The following DSCAM variants were observed in gnomAD, a reference collection of about 807,000 sequenced individuals.
The protein encoded by DSCAM is cell adhesion molecule DSCAM.
A neutral mutation model predicts 217.7 loss-of-function variants in DSCAM; 47 were observed. That is an observed-to-expected ratio of 0.22 (90% CI 0.17 to 0.28). The LOEUF is 0.28. DSCAM is among the 10% of genes least tolerant of loss of function. The probability of loss-of-function intolerance (pLI) is 1.00; values close to 1 mark genes in which losing one functional copy is unlikely to be tolerated. For synonymous variants in DSCAM, 1,056 were observed against 1,015.3 expected (o/e 1.04, Z -0.76); for missense variants, 2,080 against 2,618.3 (o/e 0.79, Z 4.49).
chr21:40,349,807 T>G (rs2074609132), intron 5 of DSCAM, among the ~76,000 whole-genome samples: 1 of 152,108 alleles, frequency 6.6e-6, no homozygotes, highest in South Asian at 2.1e-4. Flanking sequence ...CTGATGAAAA[T>G]CCTGTCTAGT....
intron 3 of DSCAM, among the ~76,000 whole-genome samples, chr21:40,510,210 G>A (rs774989512): frequency 9.9e-5 from 15 of 151,944 alleles, no homozygotes; most frequent in Non-Finnish European, 1.8e-4. Flanking sequence ...AATGAGTATA[G>A]CCAGGTCCAA....
intron 11 of DSCAM, among the ~76,000 whole-genome samples, chr21:40,192,336 T>C (rs1036204124): frequency 1.3e-5 from 2 of 152,138 alleles, no homozygotes. Context: ...AGAGGCCTGG[T>C]GGGAGATAAT....
chr21:40,257,797 C>T (rs958298573), intron 11 of DSCAM, among the ~76,000 whole-genome samples: 1 of 152,092 alleles, frequency 6.6e-6, no homozygotes, highest in South Asian at 2.1e-4. Context: ...GGCTTCAATA[C>T]ATGGCCAAGG....
At chr21:40,529,939 T>C (rs929170366) in intron 3 of DSCAM, among the ~76,000 whole-genome samples, 4 of 152,180 alleles carry the variant, frequency 2.6e-5, no homozygotes, top group African/African-American at 7.2e-5. Context: ...TTATTTCCCA[T>C]TGACCCCAGC....
At chr21:40,835,383 C>A (rs1171004262) in intron 1 of DSCAM, among the ~76,000 whole-genome samples, 1 of 152,156 alleles carries the variant, frequency 6.6e-6, no homozygotes, top group Non-Finnish European at 1.5e-5. Context: ...TTCTGCAATT[C>A]CCCTGTCAGA....
In DSCAM at chr21:40,266,649, AT is replaced by A. The variant is rs1569031924; in HGVS notation, c.2356+9447del. Reference sequence around the variant, plus strand: ...ACAAAGATGTTTTATATATATATATATATATATATATATATATATATAATCT... The same window carrying A: ...ACAAAGATGTTTTATATATATATATAATATATATATATATATATATAATCT... On this transcript the variant is annotated intron_variant, in intron 11 of 32. Coordinates refer to ENST00000400454, the MANE Select transcript of DSCAM (RefSeq NM_001389.5). Among the ~76,000 whole-genome samples, 41 of 122,780 alleles carry A rather than the reference AT, an allele frequency of 3.3e-4. 3 individuals are homozygous for A. The South Asian group carries it at 6.7e-3, about 20-fold the overall frequency. 80.5% of individuals were successfully genotyped at this position (122,780 alleles called of 152,430 possible).
At chr21:40,046,485 AATG>A (rs2088842718) in intron 30 of DSCAM, among the ~76,000 whole-genome samples, 1 of 151,642 alleles carries the variant, frequency 6.6e-6, no homozygotes, top group South Asian at 2.1e-4. Context: ...ACCAGGTATG[AATG>A]ATAATTGGGT....
chr21:40,404,447 G>A (rs2075263985), intron 3 of DSCAM, among the ~76,000 whole-genome samples: 3 of 152,168 alleles, frequency 2.0e-5, no homozygotes, highest in Admixed American at 2.0e-4. Flanking sequence ...CCTCTTGAGG[G>A]CAGAAGAGCA....
chr21:40,484,787 A>C (rs2076011144), intron 3 of DSCAM, among the ~76,000 whole-genome samples: 4 of 152,158 alleles, frequency 2.6e-5, no homozygotes, highest in African/African-American at 9.7e-5. Flanking sequence ...ATACAGGGAG[A>C]TGTAGGATGA....
intron 3 of DSCAM, among the ~76,000 whole-genome samples, chr21:40,378,091 G>A (rs937147346): frequency 1.1e-4 from 16 of 152,102 alleles, no homozygotes; most frequent in Admixed American, 5.9e-4. Context: ...AACACTCCAC[G>A]TCATTACCAA....
Position 40,055,740 on chromosome 21 carries a change from T to C in DSCAM, c.5020A>G (p.Thr1674Ala), listed in dbSNP as rs777436692. Residue 1674 changes from threonine (T) to alanine (A), a missense_variant, in exon 29 of 33, where the codon ACG becomes GCG. Physicochemically the swap from Thr to Ala is moderately conservative, Grantham distance 58. Coordinates refer to ENST00000400454, the MANE Select transcript of DSCAM (RefSeq NM_001389.5). ...RAQLLIEERD[T>A]METIDDRSTV... The stretch of plus-strand genomic sequence containing the variant: ...GGCAGCTTACCAATGGTCTCCATCG[T>C]GTCTCTCTCTTCAATCAAAAGCTGA... 3 of 1,613,044 alleles carry C rather than the reference T, an allele frequency of 1.9e-6. No homozygotes were observed. The highest frequency in any genetic ancestry group is 2.2e-5 in the South Asian group (2 of 91,030).
intron 28 of DSCAM, among the ~76,000 whole-genome samples, chr21:40,058,812 C>G (rs17755228): frequency 0.2 from 30,972 of 152,164 alleles, 3,370 homozygotes; most frequent in Non-Finnish European, 0.25. Flanking sequence ...GTGATTTGAA[C>G]AAACCTCATT....
At chr21:40,844,783 C>A (rs745717296) in intron 1 of DSCAM, among the ~76,000 whole-genome samples, 15 of 151,488 alleles carry the variant, frequency 9.9e-5, no homozygotes, top group Non-Finnish European at 2.2e-4. Context: ...ATCATAAATT[C>A]TTCCATACCA....
intron 19 of DSCAM, among the ~76,000 whole-genome samples, chr21:40,124,869 G>A (rs1456681344): frequency 6.6e-6 from 1 of 152,132 alleles, no homozygotes; most frequent in Non-Finnish European, 1.5e-5. Flanking sequence ...AGTCCCTCTT[G>A]TCCTGGGGAG....
At chr21:40,351,741 A>G (rs1227296845) in intron 5 of DSCAM, among the ~76,000 whole-genome samples, 1 of 152,232 alleles carries the variant, frequency 6.6e-6, no homozygotes, top group East Asian at 1.9e-4. Context: ...AATGATAAAA[A>G]TAAGCACATT....
At chr21:40,133,346 T>C (rs567794994) in intron 19 of DSCAM, among the ~76,000 whole-genome samples, 77 of 152,306 alleles carry the variant, frequency 5.1e-4, no homozygotes, top group African/African-American at 1.7e-3. Context: ...TAAATCACCA[T>C]GAATTCTTGC....
At chr21:40,306,630 T>G (rs924376769) in intron 9 of DSCAM, among the ~76,000 whole-genome samples, 86 of 151,504 alleles carry the variant, frequency 5.7e-4, no homozygotes, top group African/African-American at 2.0e-3. Context: ...AATACCTAAT[T>G]TATTGAGAGT....
chr21:40,764,522 C>A (rs556602168), intron 1 of DSCAM, among the ~76,000 whole-genome samples: 5 of 152,226 alleles, frequency 3.3e-5, no homozygotes, highest in Middle Eastern at 3.4e-3. Flanking sequence ...TTAGTTCAAC[C>A]ATTATGGAAG....
rs761917404 is a variant in DSCAM, at chr21:40,140,618, CAT to C, written c.3406+1938_3406+1939del. ...TATAAGGAGTAGAAATCAGAAGAAA[CAT>C]ATGTAATGATATCCTATGGTATTTT... On this transcript the variant is annotated intron_variant, in intron 18 of 32. Coordinates refer to ENST00000400454, the MANE Select transcript of DSCAM (RefSeq NM_001389.5). Among the ~76,000 whole-genome samples, 39 of 152,276 alleles carry C rather than the reference CAT, an allele frequency of 2.6e-4. 1 individual carries two copies. Among genetic ancestry groups the C allele is most frequent in the Middle Eastern group, 3.4e-3 (1 of 294 alleles).
Sources: allele counts gnomAD v4.1 joint callset (sites outside exome capture counted in the v4.1 genomes callset), GRCh38; gene constraint gnomAD v4.1.1; transcripts MANE v1.5; gene names NCBI Gene and HGNC (gene_info 2026-07-23, HGNC 2026-07-21).